Variants in NPLOC4 observed in about 807,000 individuals in gnomAD.
The protein encoded by NPLOC4 is nuclear protein localization protein 4 homolog.
A neutral mutation model predicts 80.6 loss-of-function variants in NPLOC4; 18 were observed. That is an observed-to-expected ratio of 0.22 (90% CI 0.15 to 0.33). The LOEUF (loss-of-function observed/expected upper bound fraction) is 0.33. Ranked by LOEUF, NPLOC4 falls within the 10% of genes least tolerant of loss-of-function variation. The pLI is 1.00. For synonymous variants in NPLOC4, 313 were observed against 301.5 expected, an observed-to-expected ratio of 1.04 and a Z score of -0.39; for missense variants, 540 against 786.1, an observed-to-expected ratio of 0.69 and a Z score of 3.74.
chr17:81,595,372 T>C (rs1441941927), intron 11 of NPLOC4, among the ~76,000 whole-genome samples: 2 of 145,516 alleles, frequency 1.4e-5, no homozygotes, highest in Admixed American at 6.9e-5. Context: ...AGGCGGACGT[T>C]GCAGTGAGCC....
chr17:81,594,676 G>A (rs1394132402), intron 11 of NPLOC4, among the ~76,000 whole-genome samples: 1 of 152,082 alleles, frequency 6.6e-6, no homozygotes, highest in Non-Finnish European at 1.5e-5. Flanking sequence ...TCGGGAGGCT[G>A]AGGCAGGAGA....
Position 81,633,629 on chromosome 17 carries a change from C to T in NPLOC4, c.15+3287G>A, listed in dbSNP as rs1294686656. Among the ~76,000 whole-genome samples the T allele has an allele frequency of 2.6e-5, 4 of 152,180 alleles. No individual in the cohort carries two copies. The East Asian group carries it at 7.7e-4, about 29-fold the overall frequency. On this transcript the variant is annotated intron_variant, in intron 1 of 16. Transcript: ENST00000331134. ...CAGCCTCTTGGTAACTTAAGTTTCC[C>T]TATTTATAAGAAAATAAGACTAGAA...
Position 81,609,168 on chromosome 17 carries a change from C to A in NPLOC4, c.436-346G>T, listed in dbSNP as rs563916392. Among the ~76,000 whole-genome samples the A allele has an allele frequency of 1.6e-4, 24 of 152,272 alleles. No homozygotes were observed. The South Asian group carries it at 4.8e-3, about 30-fold the overall frequency. ...CCAAGTAGCTAGGACTACAGGTGCA[C>A]GCCACCACGCCCAGCTTATTTTTGT... On this transcript the variant is annotated intron_variant, in intron 5 of 16. Transcript: ENST00000331134.
Position 81,587,461 on chromosome 17 carries a change from G to A in NPLOC4, c.1281+1483C>T, listed in dbSNP as rs1181240381. On this transcript the variant is annotated intron_variant, in intron 12 of 16. Coordinates refer to ENST00000331134, the MANE Select transcript of NPLOC4 (RefSeq NM_017921.4). ...CTCCCGAGTAGCTGGAACTACAGGC[G>A]CCTGCCACCATGCCCGGCTAACTTT... Among the ~76,000 whole-genome samples, 5 of 151,254 alleles carry A rather than the reference G, an allele frequency of 3.3e-5. No homozygotes were observed. In the East Asian group the frequency reaches 7.8e-4, roughly 24 times the overall value.
At chr17:81,623,517 G>A (rs955185235) in intron 2 of NPLOC4, among the ~76,000 whole-genome samples, 10 of 143,256 alleles carry the variant, frequency 7.0e-5, no homozygotes, top group East Asian at 6.3e-4. Flanking sequence ...TAAAAAACCC[G>A]GCCGGGCGCG....
At chr17:81,566,493 A>T (rs908714542) in intron 15 of NPLOC4, 1 of 152,298 alleles carries the variant, frequency 6.6e-6, no homozygotes, top group Non-Finnish European at 1.5e-5. Flanking sequence ...GTCCAGACAG[A>T]TGGGCAGCAG....
intron 4 of NPLOC4, among the ~76,000 whole-genome samples, chr17:81,612,431 T>A (rs2035365810): frequency 6.6e-6 from 1 of 152,114 alleles, no homozygotes; most frequent in Non-Finnish European, 1.5e-5. Context: ...GCCAGGCCCC[T>A]GGGAGGAGAC....
intron 11 of NPLOC4, among the ~76,000 whole-genome samples, chr17:81,592,072 C>A (rs151118923): frequency 5.9e-5 from 9 of 152,068 alleles, no homozygotes; most frequent in African/African-American, 2.2e-4. Context: ...CTGAGTACAA[C>A]GAAAGGGGAA....
chr17:81,631,436 ATTTTTTT>A (rs70938164), intron 1 of NPLOC4, among the ~76,000 whole-genome samples: 11,872 of 116,974 alleles, frequency 0.1, 921 homozygotes, highest in East Asian at 0.24. Context: ...ATATATATAT[ATTTTTTT>A]TTTTTTTTTT....
intron 8 of NPLOC4, among the ~76,000 whole-genome samples, chr17:81,602,566 G>A (rs2035085991): frequency 6.6e-6 from 1 of 152,024 alleles, no homozygotes. Flanking sequence ...AGCCAGGCGT[G>A]GTGGCGGCAC....
chr17:81,611,840 G>T (rs907752366), intron 4 of NPLOC4, among the ~76,000 whole-genome samples: 10 of 151,222 alleles, frequency 6.6e-5, no homozygotes, highest in Admixed American at 6.6e-4. Context: ...GGCGCCTGTA[G>T]TCCCAGCTAC....
At chr17:81,618,546 G>T (rs796515159) in intron 3 of NPLOC4, among the ~76,000 whole-genome samples, 1 of 76,728 alleles carries the variant, frequency 1.3e-5, no homozygotes, top group African/African-American at 6.0e-5. Context: ...AGGGGTCAGT[G>T]CCCCCGCCCG....
chr17:81,576,054 A>G (rs191218054), intron 12 of NPLOC4, among the ~76,000 whole-genome samples: 1 of 152,336 alleles, frequency 6.6e-6, no homozygotes, highest in African/African-American at 2.4e-5. Flanking sequence ...ACAAAGGAAT[A>G]GATTGTAGGT....
chr17:81,615,100 CTTTTTTT>C (rs1555686152), intron 3 of NPLOC4, among the ~76,000 whole-genome samples: 1 of 133,578 alleles, frequency 7.5e-6, no homozygotes, highest in Non-Finnish European at 1.6e-5. Context: ...ACGTCTGTTT[CTTTTTTT>C]TTTTTTTTTT....
intron 13 of NPLOC4, among the ~76,000 whole-genome samples, chr17:81,570,812 C>A (rs1290983999): frequency 2.0e-5 from 3 of 152,232 alleles, no homozygotes; most frequent in Non-Finnish European, 4.4e-5. Flanking sequence ...GGCACCTGCT[C>A]TCAAGGACTC....
intron 12 of NPLOC4, among the ~76,000 whole-genome samples, chr17:81,576,787 G>A (rs2034313966): frequency 6.6e-6 from 1 of 152,104 alleles, no homozygotes; most frequent in Non-Finnish European, 1.5e-5. Flanking sequence ...AAACACAGGA[G>A]ACTCCCTGTG....
intron 2 of NPLOC4, among the ~76,000 whole-genome samples, 163 bp from the exon 3 acceptor site, chr17:81,622,441 T>C (rs1178718342): frequency 1.3e-5 from 2 of 152,250 alleles, no homozygotes; most frequent in African/African-American, 2.4e-5. Flanking sequence ...AAATTTGTAC[T>C]GTTCACAAAG....
intron 1 of NPLOC4, among the ~76,000 whole-genome samples, chr17:81,635,542 G>A (rs2036044400): frequency 6.6e-6 from 1 of 152,030 alleles, no homozygotes; most frequent in Non-Finnish European, 1.5e-5. Context: ...CCATTTGTTT[G>A]TGTGTGTGAG....
chr17:81,594,144 G>A (rs906534540), intron 11 of NPLOC4, among the ~76,000 whole-genome samples: 4 of 151,436 alleles, frequency 2.6e-5, no homozygotes, highest in Non-Finnish European at 4.4e-5. Context: ...GCATGGTAGC[G>A]GGCACCTGTA....
Sources: allele counts gnomAD v4.1 joint callset (sites outside exome capture counted in the v4.1 genomes callset), GRCh38; gene constraint gnomAD v4.1.1; transcripts MANE v1.5; gene names NCBI Gene and HGNC (gene_info 2026-07-23, HGNC 2026-07-21).